CUX2: variants seen among roughly 807,000 people sequenced by gnomAD.
The protein encoded by CUX2 is cut like homeobox 2.
CUX2 carries 40 observed loss-of-function variants against 144.8 expected under a neutral mutation model. The ratio of observed to expected loss-of-function variants is 0.28; its 90% CI spans 0.21 to 0.36. The LOEUF is 0.36. Among genes scored for constraint, CUX2 ranks in the 10% least tolerant of loss-of-function variants. The pLI, the probability that CUX2 is intolerant of heterozygous loss-of-function variation, is 1.00. For missense variants in CUX2, 1,615 were observed against 1,994.0 expected (o/e 0.81, Z 3.62); for synonymous variants, 827 against 875.6 (o/e 0.94, Z 0.98).
intron 1 of CUX2, among the ~76,000 whole-genome samples, chr12:111,074,749 G>A (rs1343351560): frequency 6.6e-6 from 1 of 152,084 alleles, no homozygotes; most frequent in East Asian, 1.9e-4. Flanking sequence ...AAAACAGGCA[G>A]CGGGTAAACA....
At chr12:111,151,260 A>T (rs1189655058) in intron 1 of CUX2, among the ~76,000 whole-genome samples, 1 of 152,208 alleles carries the variant, frequency 6.6e-6, no homozygotes, top group Non-Finnish European at 1.5e-5. Flanking sequence ...TTTTAAAAAA[A>T]TTCATTCGTT....
At chr12:111,188,639 C>A (rs566858506) in intron 1 of CUX2, among the ~76,000 whole-genome samples, 2 of 151,694 alleles carry the variant, frequency 1.3e-5, no homozygotes, top group Non-Finnish European at 1.5e-5. Flanking sequence ...ACCCAGAGAG[C>A]GGGGGGGAAA....
At chr12:111,324,417 G>T (rs1243009755) in intron 18 of CUX2, among the ~76,000 whole-genome samples, 1 of 151,802 alleles carries the variant, frequency 6.6e-6, no homozygotes, top group Non-Finnish European at 1.5e-5. Context: ...GAGGGAGGTT[G>T]CACTGGGCAG....
At position 111,312,499 on chromosome 12, in the gene CUX2, G is replaced by A. The variant is rs1418175534; in HGVS notation, c.2002+298G>A. On this transcript the variant is annotated intron_variant, in intron 16 of 21. Coordinates refer to ENST00000261726, the MANE Select transcript of CUX2 (RefSeq NM_015267.4). The surrounding 1 kb of genome is among the most constrained non-coding windows in gnomAD (Gnocchi z 4.3). ...GCTGATCACCTGAGATCAGGAGTTC[G>A]AGACCAGCCTGGCCAACATGGTAAA... Among the ~76,000 whole-genome samples the A allele has an allele frequency of 1.5e-4, 23 of 152,104 alleles. No individual in the cohort carries two copies. Among genetic ancestry groups the A allele is most frequent in the African/African-American group, 4.6e-4 (19 of 41,464 alleles).
intron 1 of CUX2, among the ~76,000 whole-genome samples, chr12:111,199,296 C>T (rs943337784): frequency 6.6e-6 from 1 of 152,152 alleles, no homozygotes; most frequent in Non-Finnish European, 1.5e-5. Context: ...AAGCAGGATT[C>T]GAACTCGGGC....
intron 3 of CUX2, among the ~76,000 whole-genome samples, chr12:111,254,512 A>G (rs1883715171): frequency 6.6e-6 from 1 of 152,226 alleles, no homozygotes; most frequent in African/African-American, 2.4e-5. Context: ...GAGGGTTCAA[A>G]ATGAATTAAT....
intron 16 of CUX2, among the ~76,000 whole-genome samples, chr12:111,318,801 G>A (rs1887343208): frequency 6.6e-6 from 1 of 151,650 alleles, no homozygotes; most frequent in African/African-American, 2.4e-5. Flanking sequence ...CAGACCCTGA[G>A]GTACAGGTGT....
chr12:111,231,113 G>T (rs538680012), intron 3 of CUX2, among the ~76,000 whole-genome samples: 1 of 151,814 alleles, frequency 6.6e-6, no homozygotes, highest in Non-Finnish European at 1.5e-5. Context: ...AAGTACACTC[G>T]CCCTGTTGTG....
At chr12:111,040,164 G>A (rs1869668129) in intron 1 of CUX2, among the ~76,000 whole-genome samples, 1 of 151,492 alleles carries the variant, frequency 6.6e-6, no homozygotes. Flanking sequence ...GCACCTGCCT[G>A]CAGTCCCAGA....
chr12:111,321,006 G>A (rs1285256025), intron 17 of CUX2, among the ~76,000 whole-genome samples: 1 of 152,150 alleles, frequency 6.6e-6, no homozygotes, highest in Non-Finnish European at 1.5e-5. Flanking sequence ...CCCTCCTCCA[G>A]GCCCCTCCAG....
At position 111,059,940 on chromosome 12, in the gene CUX2, A is replaced by G. The variant is rs1030045591; in HGVS notation, c.63+25700A>G. ...CTCACATGGTCTTTCCAGCAGGTCC[A>G]GGGCTCCATTTAGAATCACTCCCGG... On this transcript the variant is annotated intron_variant, in intron 1 of 21. Coordinates refer to ENST00000261726, the MANE Select transcript of CUX2 (RefSeq NM_015267.4). This position sits in a 1 kb window ranked among gnomAD's most constrained non-coding sequence, Gnocchi z 5.3. 6.6e-6 allele frequency among the ~76,000 whole-genome samples: 1 copy of G among 152,108 alleles called. No homozygotes were observed. The highest frequency in any genetic ancestry group is 2.4e-5 in the African/African-American group (1 of 41,418).
At chr12:111,041,837 G>C (rs1439129010) in intron 1 of CUX2, among the ~76,000 whole-genome samples, 1 of 152,236 alleles carries the variant, frequency 6.6e-6, no homozygotes, top group East Asian at 1.9e-4. Flanking sequence ...CCAGTGCCTA[G>C]TTCCAGAAGA....
intron 3 of CUX2, among the ~76,000 whole-genome samples, chr12:111,242,807 A>G (rs1055513255): frequency 1.3e-5 from 2 of 152,036 alleles, no homozygotes; most frequent in African/African-American, 4.8e-5. Context: ...GCATCCATCA[A>G]CCCATCATCT....
chr12:111,067,202 CCAGT>C (rs1410695263), intron 1 of CUX2, among the ~76,000 whole-genome samples: 2 of 152,188 alleles, frequency 1.3e-5, no homozygotes, highest in South Asian at 2.1e-4. Context: ...AGGGAAGCTG[CCAGT>C]CATAGTATGC....
At chr12:111,249,579 C>G (rs1190060985) in intron 3 of CUX2, among the ~76,000 whole-genome samples, 1 of 151,442 alleles carries the variant, frequency 6.6e-6, no homozygotes, top group Non-Finnish European at 1.5e-5. Context: ...GCCTCAGCCT[C>G]CTGAGTAGCT....
intron 1 of CUX2, among the ~76,000 whole-genome samples, chr12:111,148,878 T>C (rs1876867010): frequency 6.6e-6 from 1 of 152,048 alleles, no homozygotes; most frequent in South Asian, 2.1e-4. Context: ...ATACCTGTAG[T>C]CTCAGCTACT....
intron 19 of CUX2, among the ~76,000 whole-genome samples, 175 bp from the exon 20 acceptor site, chr12:111,338,111 C>T (rs893973008): frequency 3.3e-5 from 5 of 152,194 alleles, no homozygotes; most frequent in Admixed American, 3.3e-4. Flanking sequence ...CAGACAGACC[C>T]CCCTCGGCTT....
At chr12:111,248,667 C>CTAA (rs1319899898) in intron 3 of CUX2, among the ~76,000 whole-genome samples, 3 of 152,150 alleles carry the variant, frequency 2.0e-5, no homozygotes, top group African/African-American at 7.2e-5. Flanking sequence ...CAGAGAAACG[C>CTAA]TAATGCTCAT....
chr12:111,095,332 G>A (rs1277572251), intron 1 of CUX2, among the ~76,000 whole-genome samples: 2 of 152,124 alleles, frequency 1.3e-5, no homozygotes, highest in Non-Finnish European at 2.9e-5. Context: ...GGTGGCGCAC[G>A]TCTGTAGTCC....
Sources: allele counts gnomAD v4.1 joint callset (sites outside exome capture counted in the v4.1 genomes callset), GRCh38; gene constraint gnomAD v4.1.1; non-coding constraint Gnocchi (gnomAD v3.1); transcripts MANE v1.5; gene names NCBI Gene and HGNC (gene_info 2026-07-23, HGNC 2026-07-21).